The following CEP290 variants were observed in gnomAD, a reference collection of about 807,000 sequenced individuals.
CEP290 encodes the protein centrosomal protein 290, also known as centrosomal protein of 290 kDa.
Under a neutral mutation model 344.9 loss-of-function variants are expected in CEP290, and 317 were observed. The observed-to-expected ratio is 0.92, with a 90% CI of 0.84 to 1.01. The LOEUF (loss-of-function observed/expected upper bound fraction) is 1.01, where lower values mean the gene tolerates loss of function less well. CEP290 is among the 50% of genes least tolerant of loss of function. The probability of loss-of-function intolerance (pLI) is 0.00; values close to 1 mark genes in which losing one functional copy is unlikely to be tolerated. For synonymous variants in CEP290, 932 were observed against 895.8 expected (o/e 1.04, Z -0.72); for missense variants, 2,754 against 2,761.4 (o/e 1.00, Z 0.06).
rs1565901770 is a variant in CEP290 at position 88,121,286 on chromosome 12, A to T, written c.1190-120T>A. On this transcript the variant is annotated intron_variant, in intron 13 of 53. Transcript: ENST00000552810. ...TAAAAAAAAATCCTTTAAAGTTGTC[A>T]TTTTATATTTGTAAGATGAAAGTTT... The T allele has an allele frequency of 4.5e-6, 3 of 673,160 alleles. No homozygotes were observed. The Admixed American group carries it at 1.0e-4, about 23-fold the overall frequency. 41.7% of individuals were successfully genotyped at this position (673,160 alleles called of 1,614,324 possible). A position where few individuals can be genotyped will look rare whatever the true frequency, so the allele number is the denominator to read the frequency against.
At position 88,086,471 on chromosome 12, in the gene CEP290, C is replaced by A. The variant is rs1304521961; in HGVS notation, c.4222G>T (p.Asp1408Tyr). ...KFHEERQMAWDQREVDLERQL... is the reference protein window; with the variant it reads ...KFHEERQMAWYQREVDLERQL... The stretch of plus-strand genomic sequence containing the variant: ...CGTTCCAGGTCAACTTCTCTTTGAT[C>A]CCAGGCCATTTGTCTTTCTTCATGA... The change falls in exon 33 of 54, where the codon GAT (aspartate) becomes TAT (tyrosine). Residue 1408 changes from aspartate to tyrosine, a missense_variant. Transcript: ENST00000552810. The A allele has an allele frequency of 2.5e-6, 4 of 1,597,436 alleles. No individual in the cohort carries two copies. The highest frequency in any genetic ancestry group is 3.4e-5 in the Admixed American group (2 of 58,110).
chr12:88,080,073 T>C (rs2036080533), intron 38 of CEP290, 109 bp downstream of exon 38: 1 of 744,762 alleles, frequency 1.3e-6, no homozygotes, highest in African/African-American at 1.8e-5. Context: ...TACTTTTTAT[T>C]ACAACACGGA....
chr12:88,116,237 A>G (rs894679663), intron 18 of CEP290, among the ~76,000 whole-genome samples: 1 of 152,196 alleles, frequency 6.6e-6, no homozygotes, highest in African/African-American at 2.4e-5. Flanking sequence ...GGCTTTCCCT[A>G]CTAAAGGTGC....
At chr12:88,141,455 T>C (rs958810369) in intron 1 of CEP290, 121 bp from the exon 2 acceptor site, 9 of 478,206 alleles carry the variant, frequency 1.9e-5, no homozygotes, top group South Asian at 9.1e-5. Context: ...AAACAGACAA[T>C]TGGGCCACAA....
chr12:88,098,900 T>A (rs931225849), intron 26 of CEP290, among the ~76,000 whole-genome samples: 2 of 151,836 alleles, frequency 1.3e-5, no homozygotes, highest in South Asian at 4.2e-4. Flanking sequence ...AAAATAAGAG[T>A]CAATAGTAGT....
In CEP290 at chr12:88,093,409, A is replaced by G. The variant is rs1317329330; in HGVS notation, c.3309+361T>C. 2.0e-5 allele frequency among the ~76,000 whole-genome samples: 3 copies of G among 152,088 alleles called. No homozygotes were observed. The East Asian group carries it at 5.8e-4, about 29-fold the overall frequency. ...TGTAAAGTCCCTGAAAGTAGAGATT[A>G]TTGTCTATTTTGTTTCTTGCTATAC... On this transcript the variant is annotated intron_variant, in intron 28 of 53. Transcript: ENST00000552810.
At chr12:88,086,898 G>A (rs543980837) in intron 32 of CEP290, among the ~76,000 whole-genome samples, 6 of 152,302 alleles carry the variant, frequency 3.9e-5, no homozygotes, top group Admixed American at 2.6e-4. Context: ...TATGTAATAC[G>A]TCAGAAGGTT....
chr12:88,115,077 T>C, intron 19 of CEP290, 21 bp downstream of exon 19: 1 of 1,250,924 alleles, frequency 8.0e-7, no homozygotes, highest in South Asian at 1.4e-5. Flanking sequence ...AACAGAAAAG[T>C]AAAAGATAAT....
At chr12:88,067,873 A>G (rs942701464) in intron 44 of CEP290, among the ~76,000 whole-genome samples, 1 of 152,204 alleles carries the variant, frequency 6.6e-6, no homozygotes. Flanking sequence ...TAGGTACCCA[A>G]TTATGTAAGT....
rs535531689 is a variant in CEP290 at position 88,080,222 on chromosome 12, C to T, written c.5186G>A (p.Arg1729Gln). The T allele has an allele frequency of 8.1e-5, 130 of 1,612,214 alleles. 2 individuals carry two copies. The East Asian group carries it at 2.5e-3, about 31-fold the overall frequency. Residue 1729 changes from arginine to glutamine, a missense_variant, in exon 38 of 54, where the codon CGG becomes CAG. Arg to Gln is a conservative substitution (Grantham distance 43). Transcript: ENST00000552810. Reference sequence around the variant, plus strand: ...CTTCAAGGCTAATTGGCTCTTTAGCCGTTCTACTAGATTTCTCATTGTAGT... The same window carrying T: ...CTTCAAGGCTAATTGGCTCTTTAGCTGTTCTACTAGATTTCTCATTGTAGT... ...PTTTMRNLVE[R>Q]LKSQLALKEK... is the part of the protein sequence containing the mutation.
chr12:88,107,741 A>C (rs1467925808), intron 23 of CEP290, among the ~76,000 whole-genome samples: 1 of 151,994 alleles, frequency 6.6e-6, no homozygotes, highest in Non-Finnish European at 1.5e-5. Flanking sequence ...GTCTTTACCA[A>C]AAATACAAAA....
At chr12:88,104,497 C>T (rs1030980510) in intron 25 of CEP290, among the ~76,000 whole-genome samples, 7 of 151,294 alleles carry the variant, frequency 4.6e-5, no homozygotes, top group African/African-American at 1.5e-4. Flanking sequence ...ATATGAAAGG[C>T]GTAAGACCAG....
In CEP290 at chr12:88,092,665, G is replaced by A. The variant is rs1191430138; in HGVS notation, c.3461+16C>T. 1.3e-6 allele frequency: 2 copies of A among 1,595,142 alleles called. No homozygotes were observed. The highest frequency in any genetic ancestry group is 1.3e-5 in the African/African-American group (1 of 74,088). ...ATACATCTAGTCAAATGGCTAAAATGCTTATATGCACTTACTTTGACACTT... is the reference window on the plus strand; with the variant it reads ...ATACATCTAGTCAAATGGCTAAAATACTTATATGCACTTACTTTGACACTT... On this transcript the variant is annotated intron_variant, in intron 29 of 53. Transcript: ENST00000552810.
intron 37 of CEP290, among the ~76,000 whole-genome samples, chr12:88,081,640 A>G (rs1231432653): frequency 2.6e-5 from 4 of 152,214 alleles, no homozygotes; most frequent in African/African-American, 9.6e-5. Flanking sequence ...TACTTAAGAA[A>G]TCACACAGAT....
At chr12:88,112,883 T>C (rs965774229) in intron 20 of CEP290, among the ~76,000 whole-genome samples, 2 of 152,056 alleles carry the variant, frequency 1.3e-5, no homozygotes, top group Non-Finnish European at 2.9e-5. Flanking sequence ...AGTTGTCTCA[T>C]TGAGGAATAG....
chr12:88,126,335 T>C lies in CEP290; in HGVS notation c.1046A>G (p.Asn349Ser), dbSNP rs767722828. ...KNAQLDADKS[N>S]VMALQQGIQE... ...TTTTACCTGCTGTAGAGCCATAACA[T>C]TACTTTTATCAGCATCAAGCTGAGC... Residue 349 changes from asparagine (N) to serine (S), a missense_variant, in exon 12 of 54, where the codon AAT becomes AGT. Coordinates refer to ENST00000552810, the MANE Select transcript of CEP290 (RefSeq NM_025114.4). 2.7e-6 allele frequency: 4 copies of C among 1,490,020 alleles called. No individual in the cohort carries two copies. The highest frequency in any genetic ancestry group is 3.6e-6 in the Non-Finnish European group (4 of 1,124,672). 92.3% of individuals were successfully genotyped at this position (1,490,020 alleles called of 1,614,324 possible).
In CEP290 at chr12:88,136,721, T is replaced by A; in HGVS notation, c.363A>T (p.Glu121Asp). 1 of 1,613,790 alleles carries A rather than the reference T, an allele frequency of 6.2e-7. No individual in the cohort carries two copies. Among genetic ancestry groups the A allele is most frequent in the East Asian group, 2.2e-5 (1 of 44,854 alleles). ...CTCTATCTTTTTGTTCTAATTGTTT[T>A]TCAAGTTGGCAAATTTCATTACGTA... ...RFLRNEICQLEKQLEQKDREL... is the reference protein window; with the variant it reads ...RFLRNEICQLDKQLEQKDREL... The change falls in exon 6 of 54, where the codon GAA becomes GAT. Residue 121 changes from glutamate to aspartate, a missense_variant. Physicochemically the swap from Glu to Asp is conservative, Grantham distance 45 (BLOSUM62 2). Coordinates refer to ENST00000552810, the MANE Select transcript of CEP290 (RefSeq NM_025114.4).
chr12:88,088,904 CAGG>C, intron 31 of CEP290, 125 bp downstream of exon 31: 1 of 548,870 alleles, frequency 1.8e-6, no homozygotes, highest in Non-Finnish European at 3.0e-6. Flanking sequence ...TACAACTACT[CAGG>C]AGGCTGAGGC....
chr12:88,100,035 T>C (rs540054766), intron 26 of CEP290, among the ~76,000 whole-genome samples: 76 of 151,442 alleles, frequency 5.0e-4, no homozygotes, highest in African/African-American at 1.8e-3. Flanking sequence ...ATCCCAGCAC[T>C]TTGGGAAGTT....
Sources: gnomAD v4.1 joint callset for allele counts (sites outside exome capture counted in the v4.1 genomes callset) on GRCh38, gnomAD v4.1.1 for gene constraint, MANE v1.5 for transcripts, NCBI Gene and HGNC (gene_info 2026-07-23, HGNC 2026-07-21) for gene names.